Variants in TLN1 observed in about 807,000 individuals in gnomAD.
TLN1 encodes talin-1.
A neutral mutation model predicts 292.3 loss-of-function variants in TLN1; 56 were observed. The observed-to-expected ratio is 0.19, with a 90% CI of 0.15 to 0.24. The LOEUF (loss-of-function observed/expected upper bound fraction) is 0.24, where lower values mean the gene tolerates loss of function less well. TLN1 is among the 10% of genes least tolerant of loss of function. The probability of loss-of-function intolerance (pLI) is 1.00; values close to 1 mark genes in which losing one functional copy is unlikely to be tolerated. For missense variants in TLN1, 2,433 were observed against 3,248.2 expected (o/e 0.75, Z 6.10); for synonymous variants, 1,119 against 1,253.7 (o/e 0.89, Z 2.27).
At chr9:35,702,987 A>G (rs1277595295) in intron 48 of TLN1, among the ~76,000 whole-genome samples, 1 of 152,174 alleles carries the variant, frequency 6.6e-6, no homozygotes, top group Non-Finnish European at 1.5e-5. Flanking sequence ...TAAGGAATAA[A>G]CAAGTGGGTA....
intron 1 of TLN1, among the ~76,000 whole-genome samples, chr9:35,729,022 A>G (rs1015110118): frequency 5.3e-5 from 8 of 151,154 alleles, no homozygotes; most frequent in African/African-American, 1.7e-4. Context: ...TGAAGCTAGA[A>G]TTTTAAAAAA....
rs988109824 is a variant in TLN1, at chr9:35,706,806, T to C, written c.5050A>G (p.Ser1684Gly). 2.5e-6 allele frequency: 4 copies of C among 1,614,098 alleles called. No individual in the cohort carries two copies. In the African/African-American group the frequency reaches 4.0e-5, roughly 16 times the overall value. The change falls in exon 38 of 57, where the codon AGC (serine) becomes GGC (glycine). Residue 1684 changes from serine to glycine, a missense_variant. Physicochemically the swap from Ser to Gly is moderately conservative, Grantham distance 56 (BLOSUM62 0). Around this residue, in one of 7 missense-constraint regions of TLN1, gnomAD observed 1,384 missense variants for 1,699.6 expected, o/e 0.81. Transcript: ENST00000314888. The surrounding 1 kb of genome is among the most constrained non-coding windows in gnomAD (Gnocchi z 4.2). Reference protein sequence around the residue: ...DLDQASLAAVSQQLAPREGIS... With the variant: ...DLDQASLAAVGQQLAPREGIS... ...CCCTCACGGGGAGCAAGCTGCTGGC[T>C]GACTGCAGCGAGGGAAGCCTGGTCT...
Position 35,718,856 on chromosome 9 carries a change from G to C in TLN1, c.1951C>G (p.Leu651Val). The stretch of plus-strand genomic sequence containing the variant: ...TCACTTTCCCCAATTTGTTGCAACA[G>C]CTCCCCACTGGCCTGGCCCACGTTC... ...AGNVGQASGELLQQIGESDTD... is the reference protein window; with the variant it reads ...AGNVGQASGEVLQQIGESDTD... Residue 651 changes from leucine to valine, a missense_variant, in exon 17 of 57, where the codon CTG becomes GTG. By Grantham distance (32) the Leu-to-Val change is conservative. Transcript: ENST00000314888. The C allele has an allele frequency of 6.2e-7, 1 of 1,613,758 alleles. No individual in the cohort carries two copies. The highest frequency in any genetic ancestry group is 8.5e-7 in the Non-Finnish European group (1 of 1,179,858).
chr9:35,725,560 C>T lies in TLN1; in HGVS notation c.130+5G>A. 6.2e-7 allele frequency: 1 copy of T among 1,611,340 alleles called. No homozygotes were observed. The highest frequency in any genetic ancestry group is 2.2e-5 in the East Asian group (1 of 44,778). ...CACTCCAGCCACCGGGGGAGTCAGACTCACGAGGACCAGCTGGGGCCTCTG... is the reference window on the plus strand; with the variant it reads ...CACTCCAGCCACCGGGGGAGTCAGATTCACGAGGACCAGCTGGGGCCTCTG... On this transcript the variant is annotated splice_donor_5th_base_variant and intron_variant, in intron 2 of 56. Coordinates refer to ENST00000314888, the MANE Select transcript of TLN1 (RefSeq NM_006289.4).
chr9:35,708,259 C>T (rs1825599984), intron 34 of TLN1, 82 bp downstream of exon 34: 1 of 1,473,094 alleles, frequency 6.8e-7, no homozygotes, highest in Non-Finnish European at 9.0e-7. Context: ...CCCTCTTTCC[C>T]ACATGCCTCA....
chr9:35,713,371 G>C, intron 25 of TLN1, 73 bp from the exon 26 acceptor site: 1 of 1,213,682 alleles, frequency 8.2e-7, no homozygotes, highest in Admixed American at 2.3e-5. Context: ...AAGGTACTTG[G>C]GGACAGGTGG....
intron 28 of TLN1, 83 bp downstream of exon 28, chr9:35,711,922 G>T (rs917571208): frequency 1.7e-5 from 27 of 1,594,316 alleles, no homozygotes; most frequent in Non-Finnish European, 2.3e-5. Context: ...GGAAGTCAGG[G>T]TCAAAGGACA....
chr9:35,697,312 T>TCC lies in TLN1; in HGVS notation c.*478_*479insGG. The stretch of plus-strand genomic sequence containing the variant: ...TCCTACTGCCCTGGGAGAAAACTTG[T>TCC]ATCTCCCTTGAAGCCAGGCAGAGGT... On this transcript the variant is annotated 3_prime_UTR_variant, in exon 57 of 57. Transcript: ENST00000314888. 1 of 155,414 alleles carries TCC rather than the reference T, an allele frequency of 6.4e-6. No homozygotes were observed. Among genetic ancestry groups the TCC allele is most frequent in the South Asian group, 2.0e-4 (1 of 4,988 alleles). The allele number at this position is 155,414 out of a possible 1,614,324, so 9.6% of individuals were successfully genotyped here.
At chr9:35,718,684 C>T (rs1248311885) in intron 17 of TLN1, 128 bp downstream of exon 17, 2 of 723,294 alleles carry the variant, frequency 2.8e-6, no homozygotes, top group Admixed American at 2.3e-5. Flanking sequence ...TAGTATCATC[C>T]CCTGGAAATA....
Position 35,697,658 on chromosome 9 carries a change from C to T in TLN1, c.*133G>A, listed in dbSNP as rs1001682551. The T allele has an allele frequency of 5.6e-5, 77 of 1,370,156 alleles. No homozygotes were observed. Among genetic ancestry groups the T allele is most frequent in the Admixed American group, 5.5e-4 (26 of 47,086 alleles). 84.9% of individuals were successfully genotyped at this position (1,370,156 alleles called of 1,614,324 possible). A position where few individuals can be genotyped will look rare whatever the true frequency, so the allele number is the denominator to read the frequency against. On this transcript the variant is annotated 3_prime_UTR_variant, in exon 57 of 57. Transcript: ENST00000314888. ...GGATGTACTGCGGGACTGGGCGGGG[C>T]CAGGCCCTGGGGTTTGGCAGGCACT... is the stretch of plus-strand genomic sequence containing the variant.
chr9:35,701,357 G>C (rs1384956474), intron 48 of TLN1, among the ~76,000 whole-genome samples: 1 of 152,166 alleles, frequency 6.6e-6, no homozygotes, highest in Non-Finnish European at 1.5e-5. Context: ...GTTCACTGCA[G>C]ACTTGAACCC....
intron 9 of TLN1, 131 bp from the exon 10 acceptor site, chr9:35,721,934 TAGGG>T: frequency 7.7e-7 from 1 of 1,305,766 alleles, no homozygotes. Flanking sequence ...AAATGCAGGG[TAGGG>T]AGGGAAGTGG....
At chr9:35,709,937 G>T (rs1825633674) in intron 33 of TLN1, among the ~76,000 whole-genome samples, 1 of 140,918 alleles carries the variant, frequency 7.1e-6, no homozygotes, top group Admixed American at 7.2e-5. Flanking sequence ...TACAGGCCAG[G>T]CGCGGTGGCT....
In TLN1 at chr9:35,724,023, C is replaced by G. The variant is rs764128875; in HGVS notation, c.711G>C (p.Glu237Asp). 3.7e-6 allele frequency: 6 copies of G among 1,613,984 alleles called. No homozygotes were observed. In the Admixed American group the frequency reaches 8.3e-5, roughly 22 times the overall value. ...SHPVSFDKAC[E>D]FAGFQCQIQF... ...GGATCTGGCATTGGAAGCCAGCAAA[C>G]TCACAGGCCTTGTCAAAGGAGACAG... The change falls in exon 7 of 57, where the codon GAG becomes GAC. Residue 237 changes from glutamate (E) to aspartate (D), a missense_variant. Coordinates refer to ENST00000314888, the MANE Select transcript of TLN1 (RefSeq NM_006289.4). This position sits in a 1 kb window ranked among gnomAD's most constrained non-coding sequence, Gnocchi z 4.7.
chr9:35,722,081 G>A (rs1288823273), intron 9 of TLN1, 38 bp downstream of exon 9: 2 of 1,570,078 alleles, frequency 1.3e-6, no homozygotes, highest in Non-Finnish European at 1.8e-6. Flanking sequence ...GGCAAGAGTG[G>A]GAAACAAGGA....
chr9:35,708,512 A>T (rs778191002), intron 33 of TLN1, 28 bp from the exon 34 acceptor site: 1 of 1,519,102 alleles, frequency 6.6e-7, no homozygotes, highest in Admixed American at 2.1e-5. Context: ...GGTGGGGGTG[A>T]GGAATAAAGA....
intron 7 of TLN1, 107 bp from the exon 8 acceptor site, chr9:35,723,028 CTTTGGGG>C: frequency 1.1e-6 from 1 of 921,082 alleles, no homozygotes; most frequent in South Asian, 1.4e-5. Context: ...ACAGTGTTAT[CTTTGGGG>C]AGAAAAAAGA....
chr9:35,698,267 G>A lies in TLN1; in HGVS notation c.7371+56C>T, dbSNP rs781331826. The A allele has an allele frequency of 6.2e-6, 10 of 1,608,750 alleles. No homozygotes were observed. The highest frequency in any genetic ancestry group is 8.5e-6 in the Non-Finnish European group (10 of 1,176,076). ...TCTCATAGAAACATACATCTCGGGA[G>A]TGACAGTTTGAAGCAGTATAGCCCA... is the stretch of plus-strand genomic sequence containing the variant. On this transcript the variant is annotated intron_variant, in intron 55 of 56. Coordinates refer to ENST00000314888, the MANE Select transcript of TLN1 (RefSeq NM_006289.4). The surrounding 1 kb of genome is among the most constrained non-coding windows in gnomAD (Gnocchi z 5.3).
At position 35,722,196 on chromosome 9, in the gene TLN1, C is replaced by T; in HGVS notation, c.871G>A (p.Glu291Lys). ...ACGTAGCGGACCTTGGCCTCAATCT[C>T]ACTCATCTGCCCACAATTCTTGTGT... ...QAHKNCGQMS[E>K]IEAKVRYVKL... is the part of the protein sequence containing the mutation. The change falls in exon 9 of 57, where the codon GAG becomes AAG. Residue 291 changes from glutamate to lysine, a missense_variant. Around this residue, in one of 7 missense-constraint regions of TLN1, gnomAD observed 78 missense variants for 88.8 expected, o/e 0.88. Coordinates refer to ENST00000314888, the MANE Select transcript of TLN1 (RefSeq NM_006289.4). 1 of 1,614,236 alleles carries T rather than the reference C, an allele frequency of 6.2e-7. No individual in the cohort carries two copies. The highest frequency in any genetic ancestry group is 1.1e-5 in the South Asian group (1 of 91,088).
Sources: allele counts gnomAD v4.1 joint callset (sites outside exome capture counted in the v4.1 genomes callset), GRCh38; gene constraint gnomAD v4.1.1; regional missense constraint gnomAD v4.1.1; non-coding constraint Gnocchi (gnomAD v3.1); transcripts MANE v1.5; gene names NCBI Gene and HGNC (gene_info 2026-07-23, HGNC 2026-07-21).